Variants in POLRMT observed in about 807,000 individuals in gnomAD.
POLRMT encodes RNA polymerase mitochondrial.
In POLRMT, 114 loss-of-function variants were observed where a neutral mutation model predicts 132.2. The ratio of observed to expected loss-of-function variants is 0.86; its 90% CI spans 0.74 to 1.01. The LOEUF (loss-of-function observed/expected upper bound fraction) is 1.01, where lower values mean the gene tolerates loss of function less well. POLRMT is among the 50% of genes least tolerant of loss of function. The pLI, the probability that POLRMT is intolerant of heterozygous loss-of-function variation, is 0.00. For synonymous variants in POLRMT, 1,020 were observed against 773.4 expected (o/e 1.32, Z -5.29); for missense variants, 2,003 against 1,729.1 (o/e 1.16, Z -2.81).
chr19:619,562 C>T (rs760836148), intron 13 of POLRMT, 24 bp downstream of exon 13: 7 of 1,610,876 alleles, frequency 4.3e-6, no homozygotes, highest in South Asian at 2.2e-5. Flanking sequence ...CCAACGTGTT[C>T]GCAGCGCGAC....
At position 620,445 on chromosome 19, in the gene POLRMT, G is replaced by A. The variant is rs370563510; in HGVS notation, c.2683C>T (p.Leu895=). The A allele has an allele frequency of 2.6e-5, 41 of 1,599,964 alleles. No homozygotes were observed. The highest frequency in any genetic ancestry group is 2.3e-5 in the Non-Finnish European group (27 of 1,173,666). ...TTCGCCACCTCCATACAGCAGGCCA[G>A]CGTCTGCCAGGGTTCCTCCGCGCCC... The part of the protein sequence containing the change: ...WMGAEEPWQT[L]ACCMEVANAV... The change falls in exon 11 of 21, where the codon CTG becomes TTG. Residue 895 remains leucine (L), a synonymous_variant. Coordinates refer to ENST00000588649, the MANE Select transcript of POLRMT (RefSeq NM_005035.4).
chr19:621,625 C>A lies in POLRMT; in HGVS notation c.2073G>T (p.Ala691=), dbSNP rs780014074. 4 of 1,523,350 alleles carry A rather than the reference C, an allele frequency of 2.6e-6. No individual in the cohort carries two copies. The Admixed American group carries it at 8.1e-5, about 31-fold the overall frequency. The allele number at this position is 1,523,350 out of a possible 1,614,324, so 94.4% of individuals were successfully genotyped here. Residue 691 remains alanine, a synonymous_variant, in exon 10 of 21, where the codon GCG becomes GCT. Transcript: ENST00000588649. ...QELLETCPPT[A]LHGALDALTQ... ...TGAGGGCGTCCAGTGCGCCATGCAG[C>A]GCGGTGGGCGGGCAGGTTTCCAGCA...
At chr19:620,683 G>T (rs115040014) in intron 10 of POLRMT, among the ~76,000 whole-genome samples, 196 bp from the exon 11 acceptor site, 1 of 149,234 alleles carries the variant, frequency 6.7e-6, no homozygotes, top group African/African-American at 2.5e-5. Flanking sequence ...GGGAGCTGCG[G>T]GTGGACCGGG....
rs565291084 is a variant in POLRMT, at chr19:620,694, C to G, written c.2641-207G>C. On this transcript the variant is annotated intron_variant, in intron 10 of 20. Transcript: ENST00000588649. ...GGATGGGAGCTGCGGGTGGACCGGG[C>G]TGAAACAAGCGTGTCCGGAGCTGCC... Among the ~76,000 whole-genome samples the G allele has an allele frequency of 9.0e-5, 13 of 143,940 alleles. No homozygotes were observed. In the East Asian group the frequency reaches 2.6e-3, roughly 29 times the overall value. The allele number at this position is 143,940 out of a possible 152,430, so 94.4% of individuals were successfully genotyped here.
At chr19:618,106 G>A (rs1039067061) in intron 17 of POLRMT, 13 of 572,808 alleles carry the variant, frequency 2.3e-5, no homozygotes, top group Non-Finnish European at 3.1e-5. Flanking sequence ...CCTCAGCTCC[G>A]AGGGCGGCTA....
At position 622,946 on chromosome 19, in the gene POLRMT, C is replaced by T. The variant is rs1984744911; in HGVS notation, c.1330G>A (p.Ala444Thr). ...GTCTCCCGCAGCGCCCGGCACAGTG[C>T]TTTCTCCCATTGGTCCCGCAGGGTC... is the stretch of plus-strand genomic sequence containing the variant. ...LKTLRDQWEK[A>T]LCRALRETKN... Residue 444 changes from alanine (A) to threonine (T), a missense_variant, in exon 7 of 21, where the codon GCA becomes ACA. By Grantham distance (58) the Ala-to-Thr change is moderately conservative. Coordinates refer to ENST00000588649, the MANE Select transcript of POLRMT (RefSeq NM_005035.4). 1 of 1,612,890 alleles carries T rather than the reference C, an allele frequency of 6.2e-7. No individual in the cohort carries two copies. Among genetic ancestry groups the T allele is most frequent in the African/African-American group, 1.3e-5 (1 of 74,936 alleles).
chr19:623,907 G>A (rs895438075), intron 5 of POLRMT, among the ~76,000 whole-genome samples: 1 of 152,172 alleles, frequency 6.6e-6, no homozygotes, highest in Non-Finnish European at 1.5e-5. Flanking sequence ...CCAGATGTTG[G>A]CTGTTTTCTC....
chr19:617,675 T>A lies in POLRMT; in HGVS notation c.3496-20A>T, dbSNP rs760526807. On this transcript the variant is annotated intron_variant, in intron 18 of 20. Coordinates refer to ENST00000588649, the MANE Select transcript of POLRMT (RefSeq NM_005035.4). Reference sequence around the variant, plus strand: ...GCACACCTGGGCAGGAGTCAGAGGATCCCCAGGGGTGATCAGGCAGGCTCT... The same window carrying A: ...GCACACCTGGGCAGGAGTCAGAGGAACCCCAGGGGTGATCAGGCAGGCTCT... 1.9e-6 allele frequency: 3 copies of A among 1,612,388 alleles called. No individual in the cohort carries two copies. The highest frequency in any genetic ancestry group is 2.2e-5 in the East Asian group (1 of 44,866).
chr19:624,297 G>A (rs916632851), intron 5 of POLRMT, among the ~76,000 whole-genome samples: 5 of 152,324 alleles, frequency 3.3e-5, no homozygotes, highest in East Asian at 3.9e-4. Context: ...GGGGAGTGAC[G>A]GGGATGGGGA....
Position 626,857 on chromosome 19 carries a change from G to A in POLRMT, c.823-1603C>T, listed in dbSNP as rs557787452. Among the ~76,000 whole-genome samples the A allele has an allele frequency of 5.4e-5, 8 of 148,096 alleles. No individual in the cohort carries two copies. In the East Asian group the frequency reaches 9.8e-4, roughly 18 times the overall value. On this transcript the variant is annotated intron_variant, in intron 3 of 20. Transcript: ENST00000588649. ...CCTGGGAGACAGAAACTTTGCTGTC[G>A]ACAGACTTGGAGACTCTGTCTTAAA...
At chr19:618,344 C>T (rs1239205348) in intron 17 of POLRMT, 144 bp downstream of exon 17, 11 of 659,824 alleles carry the variant, frequency 1.7e-5, no homozygotes, top group Non-Finnish European at 2.3e-5. Flanking sequence ...AGCCTCAGGG[C>T]CTCTACACAG....
At position 622,841 on chromosome 19, in the gene POLRMT, C is replaced by A. The variant is rs1323879172; in HGVS notation, c.1435G>T (p.Val479Leu). 2 of 1,598,124 alleles carry A rather than the reference C, an allele frequency of 1.3e-6. No homozygotes were observed. The highest frequency in any genetic ancestry group is 2.2e-5 in the South Asian group (2 of 89,320). The part of the protein sequence containing the change: ...PFLCLLDERE[V>L]VRMLLQVLQA... ...CGCACCTGCAGGAGCATCCGCACCA[C>A]CTCGCGCTCGTCCAGCAGGCACAGG... The change falls in exon 7 of 21, where the codon GTG (valine) becomes TTG (leucine). Residue 479 changes from valine (V) to leucine (L), a missense_variant. Transcript: ENST00000588649.
At chr19:624,992 G>C (rs924611466) in intron 4 of POLRMT, 87 bp from the exon 5 acceptor site, 24 of 1,530,402 alleles carry the variant, frequency 1.6e-5, no homozygotes, top group Non-Finnish European at 1.9e-5. Context: ...ACCACCTCCT[G>C]CTAGCCTGCA....
chr19:626,301 G>A (rs1332947543), intron 3 of POLRMT, among the ~76,000 whole-genome samples: 1 of 151,708 alleles, frequency 6.6e-6, no homozygotes, highest in East Asian at 2.0e-4. Flanking sequence ...ACAGGCACAT[G>A]CCACCACACC....
intron 12 of POLRMT, 90 bp from the exon 13 acceptor site, chr19:619,855 C>T (rs1984365524): frequency 1.3e-6 from 2 of 1,565,828 alleles, no homozygotes; most frequent in Non-Finnish European, 1.7e-6. Context: ...CCCAGCCCCA[C>T]CACATCCTCA....
In POLRMT at chr19:618,595, G is replaced by C. The variant is rs199881669; in HGVS notation, c.3324-9C>G. ...TACGTGTGTTGGGCTTTCTGAGGAC[G>C]GAACAGGTGCCGGTGGGGGCGGCCC... On this transcript the variant is annotated splice_polypyrimidine_tract_variant and intron_variant, in intron 16 of 20. Coordinates refer to ENST00000588649, the MANE Select transcript of POLRMT (RefSeq NM_005035.4). 9 of 1,608,372 alleles carry C rather than the reference G, an allele frequency of 5.6e-6. No homozygotes were observed. The highest frequency in any genetic ancestry group is 2.7e-5 in the African/African-American group (2 of 74,856).
rs759753264 is a variant in POLRMT, at chr19:629,530, C to A, written c.822+10G>T. ...CCAGGGCAGGTGGCCCGGCTCCCGG[C>A]TGCACTCACCTGCCGCGCCCAGCCA... On this transcript the variant is annotated intron_variant, in intron 3 of 20. Coordinates refer to ENST00000588649, the MANE Select transcript of POLRMT (RefSeq NM_005035.4). 4 of 1,510,844 alleles carry A rather than the reference C, an allele frequency of 2.6e-6. No individual in the cohort carries two copies. In the South Asian group the frequency reaches 4.0e-5, roughly 15 times the overall value. 93.6% of individuals were successfully genotyped at this position (1,510,844 alleles called of 1,614,324 possible).
intron 13 of POLRMT, 137 bp downstream of exon 13, chr19:619,449 C>G: frequency 7.2e-7 from 1 of 1,393,684 alleles, no homozygotes; most frequent in Non-Finnish European, 9.9e-7. Context: ...GCAAGAAACG[C>G]CCAAGCCCTA....
intron 6 of POLRMT, 78 bp downstream of exon 6, chr19:623,376 C>G: frequency 6.4e-7 from 1 of 1,562,512 alleles, no homozygotes; most frequent in Non-Finnish European, 8.6e-7. Flanking sequence ...ACACGGGACC[C>G]CGGCTCAGCC....
Sources: gnomAD v4.1 joint callset for allele counts (sites outside exome capture counted in the v4.1 genomes callset) on GRCh38, gnomAD v4.1.1 for gene constraint, MANE v1.5 for transcripts, NCBI Gene and HGNC (gene_info 2026-07-23, HGNC 2026-07-21) for gene names.